CDH2: variants seen among roughly 807,000 people sequenced by gnomAD.
CDH2 encodes cadherin 2.
A neutral mutation model predicts 92.0 loss-of-function variants in CDH2; 17 were observed. The observed-to-expected ratio is 0.18, with a 90% CI of 0.13 to 0.28. CDH2 has a LOEUF of 0.28. Among genes scored for constraint, CDH2 ranks in the 10% least tolerant of loss-of-function variants. The pLI is 1.00. For missense variants in CDH2, 862 were observed against 1,133.1 expected, an observed-to-expected ratio of 0.76 and a Z score of 3.44; for synonymous variants, 419 against 415.9, an observed-to-expected ratio of 1.01 and a Z score of -0.09.
At chr18:28,174,406 C>T (rs970312401) in intron 1 of CDH2, among the ~76,000 whole-genome samples, 7 of 152,164 alleles carry the variant, frequency 4.6e-5, no homozygotes, top group African/African-American at 1.7e-4. Flanking sequence ...GTGCACTTAA[C>T]CCTAAAACTC....
At chr18:28,128,470 A>T (rs2015712690) in intron 2 of CDH2, among the ~76,000 whole-genome samples, 1 of 152,142 alleles carries the variant, frequency 6.6e-6, no homozygotes, top group Non-Finnish European at 1.5e-5. Flanking sequence ...CAGCAGGCGG[A>T]TCTCAGAAGT....
chr18:27,959,235 A>C (rs1325906154), intron 15 of CDH2, among the ~76,000 whole-genome samples: 1 of 152,200 alleles, frequency 6.6e-6, no homozygotes. Context: ...GAAATTCAAA[A>C]ACATGTGACT....
chr18:28,048,621 T>C (rs1448731682), intron 2 of CDH2, among the ~76,000 whole-genome samples: 3 of 152,174 alleles, frequency 2.0e-5, no homozygotes, highest in Admixed American at 2.0e-4. Context: ...CAAAATGCTA[T>C]TCCCCAGCTT....
intron 2 of CDH2, among the ~76,000 whole-genome samples, chr18:28,103,294 A>C (rs1183078774): frequency 6.9e-6 from 1 of 144,750 alleles, no homozygotes; most frequent in Non-Finnish European, 1.5e-5. Flanking sequence ...ATATATAAAA[A>C]CTCCTTTATA....
intron 1 of CDH2, among the ~76,000 whole-genome samples, chr18:28,171,628 A>T (rs907850400): frequency 1.3e-5 from 2 of 152,188 alleles, no homozygotes; most frequent in Non-Finnish European, 2.9e-5. Context: ...AAATCTTCAA[A>T]ACTCACATTC....
At chr18:28,152,874 A>AT (rs1334003825) in intron 1 of CDH2, among the ~76,000 whole-genome samples, 1 of 152,224 alleles carries the variant, frequency 6.6e-6, no homozygotes, top group African/African-American at 2.4e-5. Context: ...AAAGGGGCAG[A>AT]TTTTGTCAAT....
intron 11 of CDH2, among the ~76,000 whole-genome samples, chr18:27,987,774 T>C (rs1014518050): frequency 1.3e-5 from 2 of 152,170 alleles, no homozygotes; most frequent in African/African-American, 4.8e-5. Context: ...TACGTATCTA[T>C]TTAACAAAAA....
intron 2 of CDH2, among the ~76,000 whole-genome samples, chr18:28,122,292 A>AC (rs2015602044): frequency 6.6e-6 from 1 of 151,366 alleles, no homozygotes; most frequent in Admixed American, 6.6e-5. Context: ...GTATCAAACA[A>AC]CCCCCCTTTT....
At chr18:27,993,660 A>C in intron 7 of CDH2, 23 bp from the exon 8 acceptor site, 1 of 1,549,016 alleles carries the variant, frequency 6.5e-7, no homozygotes. Context: ...AAAGATAAGA[A>C]CTTAAATGAA....
chr18:28,111,280 A>G (rs1385358842), intron 2 of CDH2, among the ~76,000 whole-genome samples: 1 of 152,236 alleles, frequency 6.6e-6, no homozygotes, highest in Non-Finnish European at 1.5e-5. Context: ...CTAGACAGAG[A>G]TATTTCGAGG....
In CDH2 at chr18:27,985,042, C is replaced by T. The variant is rs151110746; in HGVS notation, c.2167G>A (p.Gly723Ser). 3.3e-5 allele frequency: 54 copies of T among 1,613,850 alleles called. No individual in the cohort carries two copies. Among genetic ancestry groups the T allele is most frequent in the East Asian group, 6.7e-5 (3 of 44,884 alleles). ...CAGAGCAGGATGGCAATGATGGCAC[C>T]GGTGCCAAGCCCCGCACCCACAATC... ...DRIVGAGLGT[G>S]AIIAILLCII... Residue 723 changes from glycine (G) to serine (S), a missense_variant, in exon 13 of 16, where the codon GGT becomes AGT. By Grantham distance (56) the Gly-to-Ser change is moderately conservative. Transcript: ENST00000269141.
At chr18:28,095,762 A>G (rs1216045517) in intron 2 of CDH2, among the ~76,000 whole-genome samples, 1 of 142,244 alleles carries the variant, frequency 7.0e-6, no homozygotes, top group African/African-American at 2.7e-5. Context: ...GTGAGCTGAG[A>G]TCATGTGACT....
chr18:28,022,274 C>T (rs1409960691), intron 2 of CDH2, among the ~76,000 whole-genome samples: 1 of 151,776 alleles, frequency 6.6e-6, no homozygotes, highest in African/African-American at 2.4e-5. Context: ...GTTTTACAGA[C>T]AGGTTGAGAA....
intron 6 of CDH2, among the ~76,000 whole-genome samples, chr18:28,003,570 A>C (rs936924902): frequency 6.6e-6 from 1 of 152,164 alleles, no homozygotes; most frequent in African/African-American, 2.4e-5. Flanking sequence ...TCCGTTATGC[A>C]ATGATGTCTA....
intron 14 of CDH2, among the ~76,000 whole-genome samples, chr18:27,979,186 T>C (rs1381221014): frequency 6.6e-6 from 1 of 151,870 alleles, no homozygotes; most frequent in Non-Finnish European, 1.5e-5. Flanking sequence ...GGCAACCCAA[T>C]AGAAAAGTAG....
intron 2 of CDH2, among the ~76,000 whole-genome samples, chr18:28,074,290 A>T (rs538889937): frequency 6.6e-6 from 1 of 152,348 alleles, no homozygotes; most frequent in African/African-American, 2.4e-5. Flanking sequence ...CTGTCATGAC[A>T]CATGCATACA....
At chr18:27,957,459 T>TGAA (rs1449674940) in intron 15 of CDH2, among the ~76,000 whole-genome samples, 1 of 151,884 alleles carries the variant, frequency 6.6e-6, no homozygotes, top group Non-Finnish European at 1.5e-5. Context: ...ATCAGGTTGC[T>TGAA]GAAGTCGGTC....
rs188766439 is a variant in CDH2, at chr18:28,172,128, T to C, written c.60+4835A>G. ...GCGTGTGTGTATGCAATCCAAGGGC[T>C]TGGGGGCTGTAAGTACAGTTGGAAG... is the stretch of plus-strand genomic sequence containing the variant. On this transcript the variant is annotated intron_variant, in intron 1 of 15. Transcript: ENST00000269141. Among the ~76,000 whole-genome samples, 170 of 151,596 alleles carry C rather than the reference T, an allele frequency of 1.1e-3. 4 individuals are homozygous for C. Among genetic ancestry groups the C allele is most frequent in the African/African-American group, 4.0e-3 (166 of 41,276 alleles).
chr18:27,992,771 G>A lies in CDH2; in HGVS notation c.1228C>T (p.Gln410Ter), dbSNP rs778620928. The A allele has an allele frequency of 6.2e-7, 1 of 1,613,932 alleles. No individual in the cohort carries two copies. ...GCGTTCCAGGCTGGTGTATGGGGTT[G>A]ATCCTTATCGGTCACAGTTAGATTA... is the stretch of plus-strand genomic sequence containing the variant. ...VANLTVTDKD[Q>*]PHTPAWNAVY... Residue 410 changes from glutamine to a stop codon, truncating the protein, a stop_gained, in exon 9 of 16, where the codon CAA (glutamine) becomes TAA (stop). Transcript: ENST00000269141. LOFTEE classifies it high-confidence loss of function.
Sources: allele counts gnomAD v4.1 joint callset (sites outside exome capture counted in the v4.1 genomes callset), GRCh38; gene constraint gnomAD v4.1.1; transcripts MANE v1.5; gene names NCBI Gene and HGNC (gene_info 2026-07-23, HGNC 2026-07-21).